Variants in SEMA5A observed in about 807,000 individuals in gnomAD.
SEMA5A encodes the protein semaphorin-5A.
Under a neutral mutation model 135.5 loss-of-function variants are expected in SEMA5A, and 55 were observed. The observed-to-expected ratio is 0.41, with a 90% CI of 0.33 to 0.51. The LOEUF is 0.51. Ranked by LOEUF, SEMA5A falls within the 20% of genes least tolerant of loss-of-function variation. The pLI, the probability that SEMA5A is intolerant of heterozygous loss-of-function variation, is 0.37. For synonymous variants in SEMA5A, 580 were observed against 546.5 expected, an observed-to-expected ratio of 1.06 and a Z score of -0.85; for missense variants, 1,290 against 1,419.9, an observed-to-expected ratio of 0.91 and a Z score of 1.47.
chr5:9,089,566 G>T (rs1056684666), intron 16 of SEMA5A, among the ~76,000 whole-genome samples: 18 of 152,094 alleles, frequency 1.2e-4, no homozygotes, highest in African/African-American at 4.3e-4. Flanking sequence ...AGGCAAGAGG[G>T]CTGGAAGGAA....
chr5:9,051,942 T>C lies in SEMA5A; in HGVS notation c.2776A>G (p.Met926Val). The C allele has an allele frequency of 6.2e-7, 1 of 1,614,120 alleles. No homozygotes were observed. The highest frequency in any genetic ancestry group is 8.5e-7 in the Non-Finnish European group (1 of 1,180,014). Residue 926 changes from methionine to valine, a missense_variant, in exon 20 of 23, where the codon ATG (methionine) becomes GTG (valine). Physicochemically the swap from Met to Val is conservative, Grantham distance 21. Transcript: ENST00000382496. The part of the protein sequence containing the change: ...RARQCILLFP[M>V]GSQCSGNTTE... ...GTGTTCCCGGAGCACTGGCTGCCCA[T>C]GGGGAACAGGAGGATGCACTGGCGG... is the stretch of plus-strand genomic sequence containing the variant.
intron 5 of SEMA5A, among the ~76,000 whole-genome samples, chr5:9,287,077 C>G (rs186059665): frequency 6.6e-6 from 1 of 152,182 alleles, no homozygotes; most frequent in African/African-American, 2.4e-5. Flanking sequence ...GGACCAGAAG[C>G]GAATGGGTCA....
intron 4 of SEMA5A, among the ~76,000 whole-genome samples, chr5:9,330,035 T>C (rs191164451): frequency 6.6e-6 from 1 of 152,108 alleles, no homozygotes; most frequent in Non-Finnish European, 1.5e-5. Flanking sequence ...AATCTGCAGA[T>C]GCAGAACCCA....
rs761953921 is a variant in SEMA5A at position 9,202,079 on chromosome 5, T to C, written c.808A>G (p.Thr270Ala). 1 of 1,614,210 alleles carries C rather than the reference T, an allele frequency of 6.2e-7. No individual in the cohort carries two copies. Among genetic ancestry groups the C allele is most frequent in the Admixed American group, 1.7e-5 (1 of 60,028 alleles). ...GRFLLEDTWT[T>A]FMKARLNCSR... ...CAGTTCAGGCGAGCCTTCATGAATG[T>C]GGTCCAGGTGTCTTCCAGCAGGAAG... The change falls in exon 9 of 23, where the codon ACA becomes GCA. Residue 270 changes from threonine to alanine, a missense_variant. Physicochemically the swap from Thr to Ala is moderately conservative, Grantham distance 58. This residue lies in a region of SEMA5A where 1,029 missense variants were observed against 1,086.6 expected (regional missense o/e 0.95). Coordinates refer to ENST00000382496, the MANE Select transcript of SEMA5A (RefSeq NM_003966.3).
intron 16 of SEMA5A, among the ~76,000 whole-genome samples, chr5:9,067,719 G>A (rs1203284353): frequency 1.3e-5 from 2 of 152,034 alleles, no homozygotes; most frequent in Non-Finnish European, 2.9e-5. Flanking sequence ...AAATTCCTTT[G>A]GTTTTAGAAA....
intron 5 of SEMA5A, among the ~76,000 whole-genome samples, chr5:9,305,734 G>GCACACACA (rs111746284): frequency 7.0e-6 from 1 of 142,494 alleles, no homozygotes; most frequent in African/African-American, 2.6e-5. Flanking sequence ...ATATTTACAC[G>GCACACACA]CACACACACA....
At position 9,347,934 on chromosome 5, in the gene SEMA5A, CAG is replaced by C. The variant is rs1753948575; in HGVS notation, c.125-10124_125-10123del. Among the ~76,000 whole-genome samples the C allele has an allele frequency of 4.6e-5, 7 of 152,204 alleles. No homozygotes were observed. The South Asian group carries it at 1.0e-3, about 23-fold the overall frequency. On this transcript the variant is annotated intron_variant, in intron 3 of 22. Transcript: ENST00000382496. ...ATTGAAATGCACTACCTTTCTGAAA[CAG>C]GGGTGGGATTAATAAATTCCACTGT...
intron 1 of SEMA5A, among the ~76,000 whole-genome samples, chr5:9,479,259 C>T (rs960167137): frequency 1.3e-5 from 2 of 151,930 alleles, no homozygotes; most frequent in African/African-American, 4.8e-5. Context: ...TGACACATGG[C>T]TGTATTAGTC....
At position 9,516,382 on chromosome 5, in the gene SEMA5A, C is replaced by A. The variant is rs541966118; in HGVS notation, c.-175+29202G>T. On this transcript the variant is annotated intron_variant, in intron 1 of 22. Transcript: ENST00000382496. The stretch of plus-strand genomic sequence containing the variant: ...ACACATGGCAAGGATTTCATAGCAC[C>A]GTTGGAAGCAGCACTTAGAATCTCT... 2.0e-5 allele frequency among the ~76,000 whole-genome samples: 3 copies of A among 151,972 alleles called. No individual in the cohort carries two copies. The South Asian group carries it at 6.3e-4, about 32-fold the overall frequency.
At chr5:9,416,919 C>T (rs1757302418) in intron 2 of SEMA5A, among the ~76,000 whole-genome samples, 1 of 152,140 alleles carries the variant, frequency 6.6e-6, no homozygotes, top group Non-Finnish European at 1.5e-5. Context: ...AAAAACTCTG[C>T]TTTACACTGA....
At chr5:9,402,180 C>G (rs781305592) in intron 2 of SEMA5A, among the ~76,000 whole-genome samples, 3 of 152,184 alleles carry the variant, frequency 2.0e-5, no homozygotes, top group African/African-American at 7.2e-5. Context: ...ATGCAAGTCA[C>G]GGCCAGGGAC....
intron 11 of SEMA5A, among the ~76,000 whole-genome samples, chr5:9,182,160 CAA>C (rs370384556): frequency 0.049 from 6,782 of 138,256 alleles, 398 homozygotes; most frequent in African/African-American, 0.13. Flanking sequence ...CCCCCCACCC[CAA>C]AAAAAAATAC....
At chr5:9,138,580 C>T (rs1408539490) in intron 12 of SEMA5A, among the ~76,000 whole-genome samples, 1 of 152,026 alleles carries the variant, frequency 6.6e-6, no homozygotes, top group Non-Finnish European at 1.5e-5. Flanking sequence ...TTAAATTTCC[C>T]TTTCATTTTA....
In SEMA5A at chr5:9,281,691, C is replaced by T. The variant is rs144564971; in HGVS notation, c.270+36681G>A. Among the ~76,000 whole-genome samples the T allele has an allele frequency of 4.0e-3, 611 of 152,202 alleles. 7 individuals carry two copies. Among genetic ancestry groups the T allele is most frequent in the Non-Finnish European group, 5.7e-3 (389 of 68,018 alleles). On this transcript the variant is annotated intron_variant, in intron 5 of 22. Transcript: ENST00000382496. ...GATCACCAAATAGGGTAAGGCAAAT[C>T]GGGTAAGGCAAATCATACAAACTGA...
chr5:9,238,039 A>G (rs1168851865), intron 5 of SEMA5A, 149 bp from the exon 6 acceptor site: 7 of 672,028 alleles, frequency 1.0e-5, no homozygotes, highest in Non-Finnish European at 1.5e-5. Flanking sequence ...TTTACACCAA[A>G]TACATGAAAT....
At position 9,154,672 on chromosome 5, in the gene SEMA5A, G is replaced by T. The variant is rs200292451; in HGVS notation, c.1297C>A (p.Arg433=). The part of the protein sequence containing the change: ...ATDYGTIKKV[R]VPLNQTSSSC... ...CTTGAGGTCTGATTCAGGGGTACCC[G>T]CACTTTCTTAATGGTTCCGTAATCT... Residue 433 remains arginine (R), a synonymous_variant, in exon 12 of 23, where the codon CGG becomes AGG. Transcript: ENST00000382496. 10 of 1,613,834 alleles carry T rather than the reference G, an allele frequency of 6.2e-6. No homozygotes were observed. Among genetic ancestry groups the T allele is most frequent in the Non-Finnish European group, 8.5e-6 (10 of 1,180,006 alleles).
At chr5:9,158,725 T>C (rs906140446) in intron 11 of SEMA5A, among the ~76,000 whole-genome samples, 1 of 152,190 alleles carries the variant, frequency 6.6e-6, no homozygotes, top group Non-Finnish European at 1.5e-5. Context: ...ATAGTTTCTC[T>C]CTCAAATAGA....
At chr5:9,393,731 A>T (rs528738635) in intron 2 of SEMA5A, among the ~76,000 whole-genome samples, 100 of 152,276 alleles carry the variant, frequency 6.6e-4, no homozygotes, top group Non-Finnish European at 1.1e-3. Context: ...GTGTCTTCCT[A>T]AAAAAAGACA....
chr5:9,284,953 C>G (rs1277327306), intron 5 of SEMA5A, among the ~76,000 whole-genome samples: 1 of 152,174 alleles, frequency 6.6e-6, no homozygotes, highest in Non-Finnish European at 1.5e-5. Flanking sequence ...ACCCCCTTAG[C>G]CAGCCAGATA....
Sources: gnomAD v4.1 joint callset for allele counts (sites outside exome capture counted in the v4.1 genomes callset) on GRCh38, gnomAD v4.1.1 for gene constraint, gnomAD v4.1.1 regional missense constraint, MANE v1.5 for transcripts, NCBI Gene and HGNC (gene_info 2026-07-23, HGNC 2026-07-21) for gene names.